Variants in TNFAIP8 observed in about 807,000 individuals in gnomAD.
TNFAIP8 encodes tumor necrosis factor alpha-induced protein 8.
In TNFAIP8, 7 loss-of-function variants were observed where a neutral mutation model predicts 13.3. The ratio of observed to expected loss-of-function variants is 0.52; its 90% CI spans 0.30 to 0.99. The LOEUF (loss-of-function observed/expected upper bound fraction) is 0.99, where lower values mean the gene tolerates loss of function less well. Among genes scored for constraint, TNFAIP8 ranks in the 50% least tolerant of loss-of-function variants. The pLI, the probability that TNFAIP8 is intolerant of heterozygous loss-of-function variation, is 0.07. For synonymous variants in TNFAIP8, 94 were observed against 87.6 expected (o/e 1.07, Z -0.41); for missense variants, 258 against 236.9 (o/e 1.09, Z -0.58).
At chr5:119,286,977 AC>A (rs1561983422) in intron 1 of TNFAIP8, among the ~76,000 whole-genome samples, 1 of 152,024 alleles carries the variant, frequency 6.6e-6, no homozygotes, top group Non-Finnish European at 1.5e-5. Flanking sequence ...CCATTTCTAA[AC>A]CCTGCATTGT....
chr5:119,369,793 C>T (rs1752006590), intron 1 of TNFAIP8, among the ~76,000 whole-genome samples: 2 of 152,148 alleles, frequency 1.3e-5, no homozygotes, highest in South Asian at 4.1e-4. Flanking sequence ...CTTGCTGGCT[C>T]CCTTCGAGCC....
At chr5:119,345,520 C>T (rs1750869055) in intron 1 of TNFAIP8, among the ~76,000 whole-genome samples, 1 of 152,090 alleles carries the variant, frequency 6.6e-6, no homozygotes, top group Non-Finnish European at 1.5e-5. Flanking sequence ...TATCACCCAG[C>T]CTTAAAAAGG....
At chr5:119,317,226 T>G (rs1465511489) in intron 1 of TNFAIP8, among the ~76,000 whole-genome samples, 2 of 152,186 alleles carry the variant, frequency 1.3e-5, no homozygotes, top group Non-Finnish European at 2.9e-5. Flanking sequence ...GTCCATAAAT[T>G]TATTGTACTT....
chr5:119,369,728 G>A (rs1274087365), intron 1 of TNFAIP8, among the ~76,000 whole-genome samples: 1 of 152,192 alleles, frequency 6.6e-6, no homozygotes, highest in African/African-American at 2.4e-5. Context: ...ACCAGACATT[G>A]ATAATGTATT....
chr5:119,270,011 G>C (rs1748230441), intron 1 of TNFAIP8, among the ~76,000 whole-genome samples: 1 of 152,168 alleles, frequency 6.6e-6, no homozygotes, highest in Admixed American at 6.5e-5. Context: ...TGCTATGAAA[G>C]TAAAATATTC....
chr5:119,377,313 G>A (rs1287273030), intron 1 of TNFAIP8, among the ~76,000 whole-genome samples: 5 of 152,078 alleles, frequency 3.3e-5, no homozygotes, highest in Non-Finnish European at 5.9e-5. Flanking sequence ...TGAGGTGAAA[G>A]GATCACTTGA....
chr5:119,333,471 A>G (rs549320274), intron 1 of TNFAIP8: 2 of 1,426,296 alleles, frequency 1.4e-6, no homozygotes, highest in Non-Finnish European at 1.8e-6. Context: ...ATTATTTTGA[A>G]TTATTCTTGA....
At chr5:119,292,956 T>TA (rs965104156) in intron 1 of TNFAIP8, among the ~76,000 whole-genome samples, 49 of 151,484 alleles carry the variant, frequency 3.2e-4, no homozygotes, top group African/African-American at 9.0e-4. Context: ...TTCTTTTTTT[T>TA]AAAAAAATAG....
chr5:119,379,927 A>T (rs1435491641), intron 1 of TNFAIP8, among the ~76,000 whole-genome samples: 2 of 152,164 alleles, frequency 1.3e-5, no homozygotes, highest in Non-Finnish European at 2.9e-5. Context: ...GAGTTGCTTT[A>T]TCTGGGGGAG....
chr5:119,294,678 C>T (rs568873141), intron 1 of TNFAIP8, among the ~76,000 whole-genome samples: 25 of 151,700 alleles, frequency 1.6e-4, no homozygotes, highest in African/African-American at 6.0e-4. Context: ...ACTCCACATC[C>T]TCTCCACATC....
chr5:119,381,506 C>T (rs1208440863), intron 1 of TNFAIP8, among the ~76,000 whole-genome samples: 2 of 151,932 alleles, frequency 1.3e-5, no homozygotes, highest in African/African-American at 4.8e-5. Flanking sequence ...CACCACTGCC[C>T]TCCAGCTGGG....
intron 1 of TNFAIP8, among the ~76,000 whole-genome samples, chr5:119,366,828 G>A (rs1426007991): frequency 6.6e-6 from 1 of 152,212 alleles, no homozygotes; most frequent in Non-Finnish European, 1.5e-5. Context: ...CTCTGACTTG[G>A]TGATTAGGCT....
At chr5:119,390,985 AT>A (rs11448031) in intron 1 of TNFAIP8, among the ~76,000 whole-genome samples, 296 of 137,514 alleles carry the variant, frequency 2.2e-3, no homozygotes, top group African/African-American at 4.4e-3. Flanking sequence ...CACCTGGCTA[AT>A]TTTTTTTTTT....
rs1580458355 is a variant in TNFAIP8 at position 119,397,145 on chromosome 5, A to T, written c.*3764A>T. On this transcript the variant is annotated 3_prime_UTR_variant, in exon 2 of 2. Transcript: ENST00000504771. ...TGTGAATACACACACACACACACAC[A>T]CACACACAATTTTTAAGCCCCCAAA... 1 of 152,070 alleles carries T rather than the reference A, an allele frequency of 6.6e-6. No homozygotes were observed. Among genetic ancestry groups the T allele is most frequent in the East Asian group, 1.9e-4 (1 of 5,174 alleles). The allele number at this position is 152,070 out of a possible 1,614,324, so 9.4% of individuals were successfully genotyped here.
At chr5:119,282,282 T>A (rs377341799) in intron 1 of TNFAIP8, among the ~76,000 whole-genome samples, 1 of 52,620 alleles carries the variant, frequency 1.9e-5, no homozygotes, top group Non-Finnish European at 5.7e-5. Context: ...TTGTAAAGAG[T>A]TCAGTTAACA....
In TNFAIP8 at chr5:119,356,726, A is replaced by G. The variant is rs950890444; in HGVS notation, c.31+605A>G. Among the ~76,000 whole-genome samples, 13 of 152,290 alleles carry G rather than the reference A, an allele frequency of 8.5e-5. 1 individual carries two copies. The highest frequency in any genetic ancestry group is 6.5e-4 in the Admixed American group (10 of 15,296). On this transcript the variant is annotated intron_variant, in intron 1 of 1. Coordinates refer to ENST00000504771, the MANE Select transcript of TNFAIP8 (RefSeq NM_014350.4). ...AACTGAGAAGAGTTTGTCTGTTTCT[A>G]ACTTCGCAAAAGCAAAGGGTTTCAT...
At position 119,275,592 on chromosome 5, in the gene TNFAIP8, T is replaced by C. The variant is rs193039142; in HGVS notation, c.1+6685T>C. Among the ~76,000 whole-genome samples the C allele has an allele frequency of 3.7e-3, 564 of 152,266 alleles. 21 individuals carry two copies. The highest frequency in any genetic ancestry group is 0.034 in the Admixed American group (513 of 15,284). ...TCAGAGTGTCCCTCTCATTTTGTAA[T>C]GGTAGAAAATGAGAAAATGAAAAAC... On this transcript the variant is annotated intron_variant, in intron 1 of 1. Transcript: ENST00000274456.
chr5:119,391,595 A>G, intron 1 of TNFAIP8: 1 of 514,166 alleles, frequency 1.9e-6, no homozygotes, highest in Non-Finnish European at 3.6e-6. Context: ...CCCCGTCTCT[A>G]CTGAAAATAC....
chr5:119,271,794 C>G (rs1295028784), intron 1 of TNFAIP8, among the ~76,000 whole-genome samples: 1 of 152,132 alleles, frequency 6.6e-6, no homozygotes, highest in Non-Finnish European at 1.5e-5. Flanking sequence ...CTTTTATCAC[C>G]TCACCCCTCC....
Sources: gnomAD v4.1 joint callset for allele counts (sites outside exome capture counted in the v4.1 genomes callset) on GRCh38, gnomAD v4.1.1 for gene constraint, MANE v1.5 for transcripts, NCBI Gene and HGNC (gene_info 2026-07-23, HGNC 2026-07-21) for gene names.